Variants in HPS4 observed in about 807,000 individuals in gnomAD.
HPS4 encodes BLOC-3 complex member HPS4.
Under a neutral mutation model 70.3 loss-of-function variants are expected in HPS4, and 44 were observed. The ratio of observed to expected loss-of-function variants is 0.63; its 90% confidence interval spans 0.49 to 0.80. The LOEUF (loss-of-function observed/expected upper bound fraction) is 0.80, where lower values mean the gene tolerates loss of function less well. HPS4 is among the 30% of genes least tolerant of loss of function. The pLI is 0.00. For synonymous variants in HPS4, 377 were observed against 355.9 expected (o/e 1.06, Z -0.67); for missense variants, 873 against 884.4 (o/e 0.99, Z 0.16).
chr22:26,455,195 C>G (rs1376152829), intron 13 of HPS4, among the ~76,000 whole-genome samples: 1 of 151,976 alleles, frequency 6.6e-6, no homozygotes, highest in Non-Finnish European at 1.5e-5. Flanking sequence ...GGATCTAGAA[C>G]TAGAAATACC....
At position 26,464,593 on chromosome 22, in the gene HPS4, C is replaced by T; in HGVS notation, c.1037G>A (p.Arg346Lys). 1 of 1,614,212 alleles carries T rather than the reference C, an allele frequency of 6.2e-7. No homozygotes were observed. Reference sequence around the variant, plus strand: ...GGAGCTGAGGCCAAGAACCTCACCCCTGGCAGAGTTGTGCAGTCCTGCGGG... The same window carrying T: ...GGAGCTGAGGCCAAGAACCTCACCCTTGGCAGAGTTGTGCAGTCCTGCGGG... ...IRPAGLHNSARGEVLGLSSSL... is the reference protein window; with the variant it reads ...IRPAGLHNSAKGEVLGLSSSL... Residue 346 changes from arginine (R) to lysine (K), a missense_variant, in exon 11 of 14, where the codon AGG (arginine) becomes AAG (lysine). By Grantham distance (26) the Arg-to-Lys change is conservative. Coordinates refer to ENST00000398145, the MANE Select transcript of HPS4 (RefSeq NM_022081.6).
In HPS4 at chr22:26,457,915, G is replaced by A. The variant is rs35993959; in HGVS notation, c.1899C>T (p.Val633=). 2.7e-3 allele frequency: 4,281 copies of A among 1,614,188 alleles called. 92 individuals carry two copies. The African/African-American group carries it at 0.05, about 19-fold the overall frequency. ...GGGCAAATTCGCTATGCATCAGGCT[G>A]ACGGCCTGGAGGAAGCGGCGATCCT... ...TPQDRRFLQA[V]SLMHSEFAQL... Residue 633 remains valine (V), a synonymous_variant, in exon 13 of 14, where the codon GTC becomes GTT. Coordinates refer to ENST00000398145, the MANE Select transcript of HPS4 (RefSeq NM_022081.6).
chr22:26,458,211 A>C (rs1264851568), intron 12 of HPS4, among the ~76,000 whole-genome samples: 4 of 152,216 alleles, frequency 2.6e-5, no homozygotes, highest in African/African-American at 4.8e-5. Flanking sequence ...TGTGAACATG[A>C]ACTTCTCTCA....
intron 2 of HPS4, among the ~76,000 whole-genome samples, chr22:26,481,520 T>C (rs1048588878): frequency 2.0e-5 from 3 of 152,228 alleles, no homozygotes; most frequent in Non-Finnish European, 2.9e-5. Context: ...CATTCAAACA[T>C]TGGGAGAGGC....
intron 4 of HPS4, chr22:26,476,676 G>A: frequency 2.9e-6 from 1 of 345,196 alleles, no homozygotes. Context: ...AGTGTAGAGA[G>A]CATGGAGAAG....
chr22:26,448,847 A>G (rs572352270), downstream of HPS4, among the ~76,000 whole-genome samples: 14 of 152,290 alleles, frequency 9.2e-5, no homozygotes, highest in Non-Finnish European at 1.6e-4. Flanking sequence ...AGTATGTTTT[A>G]TTTCTAAGCT....
At chr22:26,483,788 T>G, upstream of HPS4, 3 of 873,804 alleles carry the variant, frequency 3.4e-6, no homozygotes, top group South Asian at 3.1e-5. Context: ...AGAGAGGCCT[T>G]AGGTCACGCG....
At position 26,482,135 on chromosome 22, in the gene HPS4, A is replaced by C. The variant is rs2091342351; in HGVS notation, c.-373T>G. The C allele has an allele frequency of 3.4e-6, 1 of 290,336 alleles. No individual in the cohort carries two copies. The highest frequency in any genetic ancestry group is 2.2e-5 in the African/African-American group (1 of 45,358). The allele number at this position is 290,336 out of a possible 1,614,324, so 18.0% of individuals were successfully genotyped here. ...AAGCCAAAAGTGGGAGATGCATGCT[A>C]GAGCTGGTGTTCTAAAGAAATTTCT... On this transcript the variant is annotated 5_prime_UTR_variant, in exon 2 of 14. Coordinates refer to ENST00000398145, the MANE Select transcript of HPS4 (RefSeq NM_022081.6).
intron 7 of HPS4, among the ~76,000 whole-genome samples, chr22:26,470,314 G>A (rs2089576220): frequency 6.6e-6 from 1 of 152,248 alleles, no homozygotes; most frequent in Admixed American, 6.5e-5. Context: ...GCTTTGCAGA[G>A]CTGAGCTGAG....
chr22:26,479,606 A>AC lies in HPS4; in HGVS notation c.42-252_42-251insG, dbSNP rs2091050124. ...TCTGCCGGAGAAGACACGAGTAGCT[A>AC]GAAAAAAAAACGAGGCGCCCACAAT... On this transcript the variant is annotated intron_variant, in intron 2 of 13. Coordinates refer to ENST00000398145, the MANE Select transcript of HPS4 (RefSeq NM_022081.6). 3 of 1,342,162 alleles carry AC rather than the reference A, an allele frequency of 2.2e-6. No homozygotes were observed. In the South Asian group the frequency reaches 5.3e-5, roughly 24 times the overall value. 83.1% of individuals were successfully genotyped at this position (1,342,162 alleles called of 1,614,324 possible).
At chr22:26,458,038 G>A in intron 12 of HPS4, 71 bp from the exon 13 acceptor site, 3 of 1,235,360 alleles carry the variant, frequency 2.4e-6, no homozygotes, top group Non-Finnish European at 3.5e-6. Flanking sequence ...ATGAAGCCCA[G>A]TACTGAACAC....
At position 26,479,501 on chromosome 22, in the gene HPS4, T is replaced by C. The variant is rs2091037151; in HGVS notation, c.42-146A>G. On this transcript the variant is annotated intron_variant, in intron 2 of 13. Transcript: ENST00000398145. ...GGCCCCAGAGAATAAAGAACCCCAGTAGCTACAAATTAGATAAAACCATTC... is the reference window on the plus strand; with the variant it reads ...GGCCCCAGAGAATAAAGAACCCCAGCAGCTACAAATTAGATAAAACCATTC... 5.5e-6 allele frequency: 8 copies of C among 1,464,186 alleles called. No homozygotes were observed. The Admixed American group carries it at 8.3e-5, about 15-fold the overall frequency. 90.7% of individuals were successfully genotyped at this position (1,464,186 alleles called of 1,614,324 possible). A position where few individuals can be genotyped will look rare whatever the true frequency, so the allele number is the denominator to read the frequency against.
In HPS4 at chr22:26,451,978, C is replaced by A. The variant is rs894438022; in HGVS notation, c.*1255G>T. ...CCCAGGGAAGGAAAAGAGGGATGCG[C>A]CCACGTTACGCGCGCGCGCGCGCGC... On this transcript the variant is annotated 3_prime_UTR_variant, in exon 14 of 14. Coordinates refer to ENST00000398145, the MANE Select transcript of HPS4 (RefSeq NM_022081.6). 3 of 179,590 alleles carry A rather than the reference C, an allele frequency of 1.7e-5. No homozygotes were observed. Among genetic ancestry groups the A allele is most frequent in the African/African-American group, 7.7e-5 (3 of 39,148 alleles). 11.1% of individuals were successfully genotyped at this position (179,590 alleles called of 1,614,324 possible). A position where few individuals can be genotyped will look rare whatever the true frequency, so the allele number is the denominator to read the frequency against.
rs868526867 is a variant in HPS4, at chr22:26,464,241, T to C, written c.1389A>G (p.Arg463=). ...APIPRADPLP[R]RTRRPLLLPR... is the part of the protein sequence containing the mutation. ...GCAATAACAAGGGCCTGCGGGTCCT[T>C]CTGGGGAGAGGGTCTGCTCTGGGAA... is the stretch of plus-strand genomic sequence containing the variant. The change falls in exon 11 of 14, where the codon AGA becomes AGG. Residue 463 remains arginine (R), a synonymous_variant. Transcript: ENST00000398145. The C allele has an allele frequency of 6.2e-6, 10 of 1,614,128 alleles. No homozygotes were observed. In the Middle Eastern group the frequency reaches 1.3e-3, roughly 213 times the overall value.
chr22:26,481,632 AAC>A (rs2091298017), intron 2 of HPS4, 88 bp downstream of exon 2: 1 of 1,227,278 alleles, frequency 8.1e-7, no homozygotes, highest in Admixed American at 1.7e-5. Flanking sequence ...TAATAAAATT[AAC>A]ACAATCTGGC....
intron 4 of HPS4, chr22:26,476,766 A>G: frequency 1.9e-6 from 1 of 525,804 alleles, no homozygotes; most frequent in Non-Finnish European, 3.4e-6. Context: ...TTGAAAGGAA[A>G]GGAGAAACCA....
chr22:26,475,258 T>TA (rs2090369252), intron 4 of HPS4: 1 of 151,564 alleles, frequency 6.6e-6, no homozygotes, highest in Non-Finnish European at 1.5e-5. Context: ...CGAACGCTGA[T>TA]AGATGCAACA....
At position 26,465,466 on chromosome 22, in the gene HPS4, T is replaced by C. The variant is rs749372122; in HGVS notation, c.792A>G (p.Glu264=). 2 of 1,610,830 alleles carry C rather than the reference T, an allele frequency of 1.2e-6. No individual in the cohort carries two copies. The highest frequency in any genetic ancestry group is 1.7e-6 in the Non-Finnish European group (2 of 1,176,980). ...EAISLHEFPV[E]QMTRSLASPA... Reference sequence around the variant, plus strand: ...GTGCACTCCATTACCTTGTCATCTGTTCCACCGGGAACTCGTGGAGACTAA... The same window carrying C: ...GTGCACTCCATTACCTTGTCATCTGCTCCACCGGGAACTCGTGGAGACTAA... Residue 264 remains glutamate (E), a synonymous_variant, in exon 10 of 14, where the codon GAA becomes GAG. Coordinates refer to ENST00000398145, the MANE Select transcript of HPS4 (RefSeq NM_022081.6).
At position 26,464,607 on chromosome 22, in the gene HPS4, C is replaced by T; in HGVS notation, c.1023G>A (p.Leu341=). Residue 341 remains leucine (L), a synonymous_variant, in exon 11 of 14, where the codon CTG becomes CTA. Transcript: ENST00000398145. The part of the protein sequence containing the change: ...HDLESIRPAG[L]HNSARGEVLG... ...GAACCTCACCCCTGGCAGAGTTGTG[C>T]AGTCCTGCGGGCCTGATGCTCTCCA... 1 of 1,614,178 alleles carries T rather than the reference C, an allele frequency of 6.2e-7. No homozygotes were observed. Among genetic ancestry groups the T allele is most frequent in the Non-Finnish European group, 8.5e-7 (1 of 1,180,032 alleles).
Sources: allele counts gnomAD v4.1 joint callset (sites outside exome capture counted in the v4.1 genomes callset), GRCh38; gene constraint gnomAD v4.1.1; transcripts MANE v1.5; gene names NCBI Gene and HGNC (gene_info 2026-07-23, HGNC 2026-07-21).